MAP4K3: variants seen among roughly 807,000 people sequenced by gnomAD.
MAP4K3 encodes the protein MAPK/ERK kinase kinase kinase 3.
Under a neutral mutation model 143.5 loss-of-function variants are expected in MAP4K3, and 94 were observed. The ratio of observed to expected loss-of-function variants is 0.65; its 90% confidence interval spans 0.55 to 0.78. The LOEUF (loss-of-function observed/expected upper bound fraction) is 0.78. Among genes scored for constraint, MAP4K3 ranks in the 30% least tolerant of loss-of-function variants. The pLI is 0.00. For synonymous variants in MAP4K3, 416 were observed against 347.2 expected, an observed-to-expected ratio of 1.20 and a Z score of -2.20; for missense variants, 1,077 against 1,068.1, an observed-to-expected ratio of 1.01 and a Z score of -0.12.
chr2:39,280,987 C>T (rs56024079), intron 22 of MAP4K3, among the ~76,000 whole-genome samples: 1 of 152,064 alleles, frequency 6.6e-6, no homozygotes, highest in African/African-American at 2.4e-5. Context: ...ATAAATATAT[C>T]ATAATGAAAT....
chr2:39,395,333 A>T (rs1255088426), intron 1 of MAP4K3, among the ~76,000 whole-genome samples: 1 of 7,152 alleles, frequency 1.4e-4, no homozygotes, highest in Non-Finnish European at 4.5e-4. Flanking sequence ...ACACATACAC[A>T]CACACACACA....
chr2:39,387,428 T>G (rs1666534341), intron 1 of MAP4K3, among the ~76,000 whole-genome samples: 1 of 152,226 alleles, frequency 6.6e-6, no homozygotes, highest in Non-Finnish European at 1.5e-5. Flanking sequence ...TTTGCAGTTA[T>G]CAGCATACAG....
intron 22 of MAP4K3, 61 bp from the exon 23 acceptor site, chr2:39,280,417 A>C (rs1422902104): frequency 1.1e-6 from 1 of 918,800 alleles, no homozygotes; most frequent in African/African-American, 1.7e-5. Context: ...TAATATATAA[A>C]ATGTAACTAT....
At chr2:39,333,642 A>C (rs1364544651) in intron 6 of MAP4K3, 68 bp from the exon 7 acceptor site, 14 of 796,766 alleles carry the variant, frequency 1.8e-5, no homozygotes, top group Non-Finnish European at 2.9e-5. Flanking sequence ...ATATATAATA[A>C]ATATACATAT....
At chr2:39,273,982 G>T (rs1030405689) in intron 24 of MAP4K3, among the ~76,000 whole-genome samples, 6 of 152,066 alleles carry the variant, frequency 3.9e-5, no homozygotes, top group Non-Finnish European at 8.8e-5. Context: ...ATTCAGTGTT[G>T]AACTGGGTTT....
chr2:39,351,760 T>A (rs187509295), intron 3 of MAP4K3, among the ~76,000 whole-genome samples: 260 of 152,232 alleles, frequency 1.7e-3, no homozygotes, highest in African/African-American at 6.0e-3. Flanking sequence ...CCTCTGCCTC[T>A]TGGGTTCAAG....
Position 39,260,619 on chromosome 2 carries a change from C to T in MAP4K3, c.2295G>A (p.Trp765Ter), listed in dbSNP as rs775146730. The change falls in exon 29 of 34, where the codon TGG becomes TGA. Residue 765 changes from tryptophan (W) to a stop codon, truncating the protein, a stop_gained. Coordinates refer to ENST00000263881, the MANE Select transcript of MAP4K3 (RefSeq NM_003618.4). LOFTEE classifies it high-confidence loss of function. The stretch of plus-strand genomic sequence containing the variant: ...AAAATTACAAACCTGATTCTGTAAA[C>T]CATGAAGAGGTAGAATTTGGATTGA... ...ETVNPNSTSS[W>*]FTESDTPQTN... 1 of 1,613,956 alleles carries T rather than the reference C, an allele frequency of 6.2e-7. No homozygotes were observed. The highest frequency in any genetic ancestry group is 8.5e-7 in the Non-Finnish European group (1 of 1,179,924).
At chr2:39,393,656 G>C (rs1311321433) in intron 1 of MAP4K3, among the ~76,000 whole-genome samples, 1 of 152,110 alleles carries the variant, frequency 6.6e-6, no homozygotes, top group Non-Finnish European at 1.5e-5. Flanking sequence ...GTTTAAATCT[G>C]GGGTGAATGA....
At chr2:39,434,246 CAATT>C (rs1284177607) in intron 1 of MAP4K3, among the ~76,000 whole-genome samples, 1 of 152,098 alleles carries the variant, frequency 6.6e-6, no homozygotes, top group Non-Finnish European at 1.5e-5. Flanking sequence ...CTCTCTAGCA[CAATT>C]AATTTGTATA....
chr2:39,416,006 A>ATATAAAT (rs1420812309), intron 1 of MAP4K3, among the ~76,000 whole-genome samples: 2 of 75,884 alleles, frequency 2.6e-5, no homozygotes, highest in African/African-American at 1.4e-4. Flanking sequence ...TATATATATA[A>ATATAAAT]AAATAACATT....
intron 3 of MAP4K3, among the ~76,000 whole-genome samples, chr2:39,355,042 A>C (rs1665567290): frequency 6.6e-6 from 1 of 152,174 alleles, no homozygotes; most frequent in South Asian, 2.1e-4. Flanking sequence ...AGCCTGGGCA[A>C]CATAGTGAGA....
chr2:39,346,373 T>A (rs1388732726), intron 3 of MAP4K3, among the ~76,000 whole-genome samples: 1 of 152,236 alleles, frequency 6.6e-6, no homozygotes, highest in Admixed American at 6.5e-5. Context: ...TCTACCTGGT[T>A]CAATGACACT....
chr2:39,357,894 G>A (rs1665655171), intron 2 of MAP4K3, among the ~76,000 whole-genome samples: 1 of 152,154 alleles, frequency 6.6e-6, no homozygotes, highest in African/African-American at 2.4e-5. Flanking sequence ...AGTAAAAGTT[G>A]ATCTAGTCAG....
At chr2:39,332,253 G>T (rs926032561) in intron 7 of MAP4K3, among the ~76,000 whole-genome samples, 1 of 151,936 alleles carries the variant, frequency 6.6e-6, no homozygotes, top group Non-Finnish European at 1.5e-5. Flanking sequence ...AAATAATTTT[G>T]AAGAGAAAGT....
chr2:39,287,035 G>C, intron 20 of MAP4K3, 71 bp from the exon 21 acceptor site: 1 of 889,522 alleles, frequency 1.1e-6, no homozygotes. Flanking sequence ...TTATCAAGTA[G>C]GAAAGAAAAA....
intron 1 of MAP4K3, among the ~76,000 whole-genome samples, chr2:39,397,893 A>T (rs1319237281): frequency 6.6e-6 from 1 of 152,228 alleles, no homozygotes; most frequent in Non-Finnish European, 1.5e-5. Context: ...TGAATATATG[A>T]TAAGCTGAAA....
intron 16 of MAP4K3, chr2:39,294,128 T>C (rs1464391437): frequency 6.6e-6 from 1 of 152,124 alleles, no homozygotes; most frequent in Non-Finnish European, 1.5e-5. Flanking sequence ...ACTACTGGGA[T>C]AAAAGAGAGT....
intron 16 of MAP4K3, among the ~76,000 whole-genome samples, chr2:39,297,397 C>T (rs1244228292): frequency 3.3e-5 from 5 of 152,086 alleles, no homozygotes; most frequent in African/African-American, 9.7e-5. Flanking sequence ...GGATTACAGG[C>T]GTGAGTCACC....
chr2:39,424,256 T>C (rs1664990097), intron 1 of MAP4K3, among the ~76,000 whole-genome samples: 5 of 152,080 alleles, frequency 3.3e-5, no homozygotes, highest in Non-Finnish European at 7.4e-5. Context: ...GTTCATCAAT[T>C]TTAACAAATG....
Sources: allele counts gnomAD v4.1 joint callset (sites outside exome capture counted in the v4.1 genomes callset), GRCh38; gene constraint gnomAD v4.1.1; transcripts MANE v1.5; gene names NCBI Gene and HGNC (gene_info 2026-07-23, HGNC 2026-07-21).